The following MYO5B variants were observed in gnomAD, a reference collection of about 807,000 sequenced individuals.
The protein encoded by MYO5B is unconventional myosin-Vb.
In MYO5B, 143 loss-of-function variants were observed where a neutral mutation model predicts 229.3. The observed-to-expected ratio is 0.62, with a 90% CI of 0.54 to 0.72. The LOEUF (loss-of-function observed/expected upper bound fraction) is 0.72. MYO5B is among the 30% of genes least tolerant of loss of function. The pLI is 0.00. For synonymous variants in MYO5B, 918 were observed against 885.2 expected (o/e 1.04, Z -0.66); for missense variants, 2,321 against 2,331.0 (o/e 1.00, Z 0.09).
intron 4 of MYO5B, among the ~76,000 whole-genome samples, chr18:50,026,248 A>T (rs898887006): frequency 6.6e-6 from 1 of 152,154 alleles, no homozygotes; most frequent in Non-Finnish European, 1.5e-5. Context: ...TATACAATCA[A>T]ATAATTATTT....
chr18:49,837,152 C>T (rs2023997095), intron 37 of MYO5B, among the ~76,000 whole-genome samples: 1 of 152,236 alleles, frequency 6.6e-6, no homozygotes, highest in Admixed American at 6.5e-5. Context: ...ATTAAATATA[C>T]TGAATTGTAA....
chr18:50,054,580 T>A (rs1442524146), intron 2 of MYO5B, among the ~76,000 whole-genome samples: 3 of 152,140 alleles, frequency 2.0e-5, no homozygotes, highest in African/African-American at 7.2e-5. Flanking sequence ...GAGGCAGTGG[T>A]CACAAAAGGC....
chr18:50,028,385 C>G (rs546462085), intron 4 of MYO5B, among the ~76,000 whole-genome samples: 5 of 152,222 alleles, frequency 3.3e-5, no homozygotes, highest in African/African-American at 9.6e-5. Flanking sequence ...TTCTGCAGAC[C>G]ACATCCAGCG....
At chr18:50,181,294 C>T (rs762333034) in intron 1 of MYO5B, among the ~76,000 whole-genome samples, 3 of 152,066 alleles carry the variant, frequency 2.0e-5, no homozygotes, top group African/African-American at 4.8e-5. Context: ...AGAACTGCTA[C>T]ATCCAAATGA....
chr18:49,904,802 C>A lies in MYO5B; in HGVS notation c.2441G>T (p.Arg814Ile), dbSNP rs2024881379. Reference sequence around the variant, plus strand: ...ATGTTTCTGGAGCACCACAGCCGCTCTGATCCTCCGCAGGTGCTCAGCCAG... The same window carrying A: ...ATGTTTCTGGAGCACCACAGCCGCTATGATCCTCCGCAGGTGCTCAGCCAG... ...RRLAEHLRRI[R>I]AAVVLQKHYR... is the part of the protein sequence containing the mutation. Residue 814 changes from arginine to isoleucine, a missense_variant, in exon 20 of 40, where the codon AGA becomes ATA. By Grantham distance (97) the Arg-to-Ile change is moderately conservative (BLOSUM62 -3). Coordinates refer to ENST00000285039, the MANE Select transcript of MYO5B (RefSeq NM_001080467.3). 6.2e-7 allele frequency: 1 copy of A among 1,614,018 alleles called. No homozygotes were observed. The highest frequency in any genetic ancestry group is 1.1e-5 in the South Asian group (1 of 91,080).
intron 4 of MYO5B, among the ~76,000 whole-genome samples, chr18:50,023,818 G>A (rs775078625): frequency 2.0e-5 from 3 of 152,032 alleles, no homozygotes; most frequent in Non-Finnish European, 4.4e-5. Context: ...GCTGCCTCCC[G>A]GAGACACTAG....
At chr18:50,141,311 A>G (rs1568122146) in intron 1 of MYO5B, among the ~76,000 whole-genome samples, 1 of 152,242 alleles carries the variant, frequency 6.6e-6, no homozygotes, top group Non-Finnish European at 1.5e-5. Flanking sequence ...AAATCTCTGC[A>G]TAAACCTCCC....
intron 1 of MYO5B, among the ~76,000 whole-genome samples, chr18:50,116,402 A>C (rs1219937338): frequency 1.3e-5 from 2 of 152,218 alleles, no homozygotes; most frequent in African/African-American, 4.8e-5. Context: ...CCCCAAATCC[A>C]AAAGAGGAAA....
In MYO5B at chr18:49,849,576, C is replaced by A; in HGVS notation, c.4306G>T (p.Asp1436Tyr). Residue 1436 changes from aspartate (D) to tyrosine (Y), a missense_variant, in exon 32 of 40, where the codon GAC becomes TAC. By Grantham distance (160) the Asp-to-Tyr change is radical. Coordinates refer to ENST00000285039, the MANE Select transcript of MYO5B (RefSeq NM_001080467.3). ...QLKIYMKKAQ[D>Y]LEAAQALAQS... The stretch of plus-strand genomic sequence containing the variant: ...ACTCACACCCCCCTACCTTCTAGGT[C>A]CTGGGCTTTCTTCATGTAAATCTTC... 1 of 1,610,878 alleles carries A rather than the reference C, an allele frequency of 6.2e-7. No homozygotes were observed. The highest frequency in any genetic ancestry group is 1.1e-5 in the South Asian group (1 of 90,994).
intron 19 of MYO5B, among the ~76,000 whole-genome samples, chr18:49,905,628 C>T (rs1031619397): frequency 6.6e-6 from 1 of 152,214 alleles, no homozygotes; most frequent in Non-Finnish European, 1.5e-5. Flanking sequence ...CTCTGTTTGG[C>T]CTCCAAACAC....
chr18:49,913,130 G>A (rs1366123575), intron 17 of MYO5B, among the ~76,000 whole-genome samples: 1 of 152,116 alleles, frequency 6.6e-6, no homozygotes, highest in Non-Finnish European at 1.5e-5. Flanking sequence ...ACATAATTAA[G>A]AGCATTTACA....
At chr18:50,094,070 G>A (rs1050096921) in intron 1 of MYO5B, among the ~76,000 whole-genome samples, 3 of 152,012 alleles carry the variant, frequency 2.0e-5, no homozygotes, top group African/African-American at 7.3e-5. Flanking sequence ...CTCTAGATTC[G>A]CCTCGAATTC....
At chr18:50,132,771 C>T (rs2032274356) in intron 1 of MYO5B, among the ~76,000 whole-genome samples, 1 of 152,196 alleles carries the variant, frequency 6.6e-6, no homozygotes, top group Non-Finnish European at 1.5e-5. Context: ...TAAGTGGGAG[C>T]ATGAGACAAA....
intron 4 of MYO5B, among the ~76,000 whole-genome samples, chr18:50,030,876 GAAAAAA>G (rs869189090): frequency 3.3e-5 from 1 of 30,500 alleles, no homozygotes; most frequent in African/African-American, 1.2e-4. Flanking sequence ...CTCCCTTTCA[GAAAAAA>G]AAAAAAAAAA....
At chr18:49,952,717 A>T (rs7228877) in intron 14 of MYO5B, among the ~76,000 whole-genome samples, 1 of 151,854 alleles carries the variant, frequency 6.6e-6, no homozygotes. Context: ...TGAAATTCTG[A>T]TAATAACAGA....
intron 4 of MYO5B, among the ~76,000 whole-genome samples, chr18:50,007,137 T>G (rs1031570272): frequency 2.0e-5 from 3 of 152,220 alleles, no homozygotes; most frequent in Non-Finnish European, 4.4e-5. Context: ...CATCACTAAA[T>G]GAGGGCTCGC....
At chr18:49,968,661 C>T (rs375684563) in intron 10 of MYO5B, among the ~76,000 whole-genome samples, 2 of 151,758 alleles carry the variant, frequency 1.3e-5, no homozygotes, top group Non-Finnish European at 2.9e-5. Context: ...TAATCTTAAA[C>T]GGGTCCTGTT....
Position 49,864,156 on chromosome 18 carries a change from G to C in MYO5B, c.3828C>G (p.Leu1276=), listed in dbSNP as rs201760142. The C allele has an allele frequency of 2.5e-6, 4 of 1,609,746 alleles. No homozygotes were observed. Among genetic ancestry groups the C allele is most frequent in the African/African-American group, 1.3e-5 (1 of 74,938 alleles). The change falls in exon 28 of 40, where the codon CTC becomes CTG. Residue 1276 remains leucine, a synonymous_variant. Coordinates refer to ENST00000285039, the MANE Select transcript of MYO5B (RefSeq NM_001080467.3). ...ATCTTGTTACCGCGTTCCTGCCGGC[G>C]AGTCGCCGCTGGTCGGCGCTCACGA... ...TQIVSADQRR[L]AGRNAEPNIN... is the part of the protein sequence containing the mutation.
intron 16 of MYO5B, among the ~76,000 whole-genome samples, chr18:49,935,783 G>A (rs1191846800): frequency 6.6e-6 from 1 of 152,232 alleles, no homozygotes; most frequent in Non-Finnish European, 1.5e-5. Context: ...GTGAGGAAAA[G>A]GGGAGCAAAT....
Sources: allele counts gnomAD v4.1 joint callset (sites outside exome capture counted in the v4.1 genomes callset), GRCh38; gene constraint gnomAD v4.1.1; transcripts MANE v1.5; gene names NCBI Gene and HGNC (gene_info 2026-07-23, HGNC 2026-07-21).